TIPIN: variants seen among roughly 807,000 people sequenced by gnomAD.
TIPIN encodes TIMELESS-interacting protein.
In TIPIN, 29 loss-of-function variants were observed where a neutral mutation model predicts 35.6. The ratio of observed to expected loss-of-function variants is 0.82; its 90% CI spans 0.61 to 1.11. TIPIN has a LOEUF of 1.11. Ranked by LOEUF, TIPIN falls within the 50% of genes most tolerant of loss-of-function variation. The pLI is 0.00. For synonymous variants in TIPIN, 102 were observed against 121.5 expected (o/e 0.84, Z 1.06); for missense variants, 296 against 345.4 (o/e 0.86, Z 1.13).
At chr15:66,349,567 T>C (rs1434088762) in intron 4 of TIPIN, 130 bp from the exon 5 acceptor site, 2 of 1,228,258 alleles carry the variant, frequency 1.6e-6, no homozygotes, top group Non-Finnish European at 2.2e-6. Context: ...TTGAAAAACT[T>C]ATAAAAGGAA....
In TIPIN at chr15:66,336,644, TA is replaced by T. The variant is rs970389098; in HGVS notation, c.*313del. 3.8e-4 allele frequency: 118 copies of T among 312,134 alleles called. No homozygotes were observed. Among genetic ancestry groups the T allele is most frequent in the African/African-American group, 2.4e-3 (112 of 47,358 alleles). 19.3% of individuals were successfully genotyped at this position (312,134 alleles called of 1,614,324 possible). On this transcript the variant is annotated 3_prime_UTR_variant, in exon 8 of 8. Transcript: ENST00000261881. ...ATTAGCCCTGCTTTGCAAGGAGCAG[TA>T]AAAAACAGAAACAAAACCTCCCAAC... is the stretch of plus-strand genomic sequence containing the variant.
chr15:66,342,051 G>A (rs2093091011), intron 6 of TIPIN, among the ~76,000 whole-genome samples: 1 of 151,970 alleles, frequency 6.6e-6, no homozygotes, highest in African/African-American at 2.4e-5. Flanking sequence ...GGGCATGGTG[G>A]CGCATGCCTA....
rs1412536020 is a variant in TIPIN, at chr15:66,351,572, A to C, written c.241T>G (p.Leu81Val). The change falls in exon 4 of 8, where the codon TTA becomes GTA. Residue 81 changes from leucine (L) to valine (V), a missense_variant. Coordinates refer to ENST00000261881, the MANE Select transcript of TIPIN (RefSeq NM_017858.3). ...RLISERGLPA[L>V]RHVFDKAKFK... ...TTTGCCTTATCAAATACATGCCTTA[A>C]GGCTGGAAGTCCTCTCTCTGAAATT... 1 of 1,613,022 alleles carries C rather than the reference A, an allele frequency of 6.2e-7. No individual in the cohort carries two copies. The highest frequency in any genetic ancestry group is 1.7e-5 in the Admixed American group (1 of 59,878).
intron 1 of TIPIN, chr15:66,383,516 A>G (rs767093773): frequency 1.9e-4 from 165 of 873,560 alleles, no homozygotes; most frequent in Non-Finnish European, 2.1e-4. Flanking sequence ...CTCCCACCTC[A>G]GCCTCCCAAA....
chr15:66,379,769 T>C (rs1293298579), intron 1 of TIPIN: 1 of 1,604,432 alleles, frequency 6.2e-7, no homozygotes, highest in African/African-American at 1.3e-5. Flanking sequence ...TTTTTTTCTT[T>C]CCAAGAAGAC....
chr15:66,353,517 G>A (rs758849769), intron 1 of TIPIN, among the ~76,000 whole-genome samples: 1 of 151,638 alleles, frequency 6.6e-6, no homozygotes, highest in Non-Finnish European at 1.5e-5. Context: ...TCGGCAGGCT[G>A]GGGCAGGAGA....
chr15:66,381,575 A>C (rs10468035), intron 1 of TIPIN, among the ~76,000 whole-genome samples: 2,080 of 152,282 alleles, frequency 0.014, 19 homozygotes, highest in Non-Finnish European at 0.019. Context: ...GTGTGTCATA[A>C]ATGATGTAAT....
upstream of TIPIN, among the ~76,000 whole-genome samples, chr15:66,359,154 AACAC>A (rs538620517): frequency 3.7e-5 from 5 of 134,948 alleles, no homozygotes; most frequent in South Asian, 4.6e-4. Flanking sequence ...CCTGTCTCAA[AACAC>A]ACACACACAC....
chr15:66,382,725 T>C (rs2093322708), intron 1 of TIPIN: 1 of 162,356 alleles, frequency 6.2e-6, no homozygotes, highest in Non-Finnish European at 1.3e-5. Context: ...AGCTACACTG[T>C]GTACAAATGG....
intron 4 of TIPIN, among the ~76,000 whole-genome samples, chr15:66,351,276 T>C (rs943800064): frequency 2.0e-5 from 3 of 152,122 alleles, no homozygotes. Context: ...AAATAAAAAC[T>C]GAGACTTTAC....
chr15:66,345,013 G>C (rs1417998337), intron 6 of TIPIN, among the ~76,000 whole-genome samples: 1 of 152,152 alleles, frequency 6.6e-6, no homozygotes, highest in Non-Finnish European at 1.5e-5. Flanking sequence ...CGTCATTGTA[G>C]TAAAGACAAA....
intron 7 of TIPIN, among the ~76,000 whole-genome samples, chr15:66,340,359 G>A (rs181135767): frequency 7.2e-4 from 109 of 151,200 alleles, no homozygotes; most frequent in African/African-American, 2.6e-3. Context: ...TGTATTTTTA[G>A]TAGAGGTGGG....
chr15:66,356,509 A>T, intron 1 of TIPIN, 130 bp downstream of exon 1: 10 of 604,554 alleles, frequency 1.7e-5, no homozygotes, highest in Non-Finnish European at 2.1e-5. Flanking sequence ...CAACCTCCTG[A>T]CCCCCTTCCT....
At chr15:66,379,910 C>A in intron 1 of TIPIN, 1 of 1,496,460 alleles carries the variant, frequency 6.7e-7, no homozygotes, top group South Asian at 1.1e-5. Context: ...TGAGAATGGT[C>A]TTCACTCTCG....
At position 66,336,870 on chromosome 15, in the gene TIPIN, G is replaced by A; in HGVS notation, c.*88C>T. ...AATCTATAACAGTTTTACTATCTAA[G>A]GATTTTCACTCCAAGAAGAAAAAAT... On this transcript the variant is annotated 3_prime_UTR_variant, in exon 8 of 8. Transcript: ENST00000261881. 1 of 1,093,602 alleles carries A rather than the reference G, an allele frequency of 9.1e-7. No individual in the cohort carries two copies. The highest frequency in any genetic ancestry group is 1.3e-6 in the Non-Finnish European group (1 of 748,888). The allele number at this position is 1,093,602 out of a possible 1,614,324, so 67.7% of individuals were successfully genotyped here. A position where few individuals can be genotyped will look rare whatever the true frequency, so the allele number is the denominator to read the frequency against.
At chr15:66,357,810 G>A (rs781164906), upstream of TIPIN, among the ~76,000 whole-genome samples, 8 of 152,054 alleles carry the variant, frequency 5.3e-5, no homozygotes, top group Non-Finnish European at 1.2e-4. Context: ...ACAAAAATTA[G>A]CCGGGCGTGG....
chr15:66,377,451 G>A (rs976937013), intron 1 of TIPIN, among the ~76,000 whole-genome samples: 7 of 150,470 alleles, frequency 4.7e-5, no homozygotes, highest in East Asian at 4.0e-4. Context: ...TGCAACCTCC[G>A]CCTCTTGGGT....
In TIPIN at chr15:66,337,135, A is replaced by G. The variant is rs1034633369; in HGVS notation, c.729T>C (p.Asn243=). 2 of 1,614,040 alleles carry G rather than the reference A, an allele frequency of 1.2e-6. No individual in the cohort carries two copies. Among genetic ancestry groups the G allele is most frequent in the African/African-American group, 1.3e-5 (1 of 75,030 alleles). The stretch of plus-strand genomic sequence containing the variant: ...ACTCCTCCTTTTGATCCTCATCAGT[A>G]TTAACCTCTTCAACCGTGTGTGCCC... ...TPRAHTVEEV[N]TDEDQKEESN... is the part of the protein sequence containing the mutation. Residue 243 remains asparagine (N), a synonymous_variant, in exon 8 of 8, where the codon AAT becomes AAC. Transcript: ENST00000261881.
At chr15:66,364,669 A>C (rs1275390137) in intron 1 of TIPIN, among the ~76,000 whole-genome samples, 4 of 152,152 alleles carry the variant, frequency 2.6e-5, no homozygotes, top group Admixed American at 1.3e-4. Flanking sequence ...TCAACAAAGT[A>C]TGGAGAGGCA....
Sources: gnomAD v4.1 joint callset for allele counts (sites outside exome capture counted in the v4.1 genomes callset) on GRCh38, gnomAD v4.1.1 for gene constraint, MANE v1.5 for transcripts, NCBI Gene and HGNC (gene_info 2026-07-23, HGNC 2026-07-21) for gene names.